Variants in BACH2 observed in about 807,000 individuals in gnomAD.
The protein encoded by BACH2 is transcription regulator protein BACH2.
Under a neutral mutation model 61.8 loss-of-function variants are expected in BACH2, and 5 were observed. That is an observed-to-expected ratio of 0.08 (90% CI 0.04 to 0.17). The LOEUF is 0.17. Among genes scored for constraint, BACH2 ranks in the 10% least tolerant of loss-of-function variants. BACH2 has a pLI of 1.00. For missense variants in BACH2, 824 were observed against 1,091.1 expected, an observed-to-expected ratio of 0.76 and a Z score of 3.45; for synonymous variants, 446 against 440.1, an observed-to-expected ratio of 1.01 and a Z score of -0.17.
chr6:90,110,962 T>A (rs933521772), intron 4 of BACH2, among the ~76,000 whole-genome samples: 2 of 152,238 alleles, frequency 1.3e-5, no homozygotes, highest in Admixed American at 1.3e-4. Flanking sequence ...TACTGCTTCA[T>A]ACAGGATATT....
chr6:90,282,475 G>T (rs919969935), intron 1 of BACH2, among the ~76,000 whole-genome samples: 1 of 152,062 alleles, frequency 6.6e-6, no homozygotes, highest in African/African-American at 2.4e-5. Context: ...TCCCTGCAAA[G>T]GACATGATCT....
rs1279576387 is a variant in BACH2, at chr6:89,931,943, A to ATATATATATATATTTTATATATATAT, written c.*464_*465insATATATATATAAAATATATATATATA. On this transcript the variant is annotated 3_prime_UTR_variant, in exon 9 of 9. Transcript: ENST00000257749. ...AGGACTTTTGCATATGGATATATAT[A>ATATATATATATATTTTATATATATAT]TATATATATATATATTTTATATATA... The ATATATATATATATTTTATATATATAT allele has an allele frequency of 6.8e-6, 1 of 147,464 alleles. No individual in the cohort carries two copies. The highest frequency in any genetic ancestry group is 1.5e-5 in the Non-Finnish European group (1 of 67,072). The allele number at this position is 147,464 out of a possible 1,614,324, so 9.1% of individuals were successfully genotyped here. A position where few individuals can be genotyped will look rare whatever the true frequency, so the allele number is the denominator to read the frequency against.
chr6:90,203,380 C>G (rs1439910416), intron 4 of BACH2, among the ~76,000 whole-genome samples: 1 of 118,322 alleles, frequency 8.5e-6, no homozygotes, highest in Non-Finnish European at 1.7e-5. Context: ...AAGACCCTCT[C>G]TCTCTCTCTC....
chr6:90,121,550 AATTT>A, intron 4 of BACH2, among the ~76,000 whole-genome samples: 1 of 152,088 alleles, frequency 6.6e-6, no homozygotes, highest in East Asian at 1.9e-4. Context: ...TTAATTAATT[AATTT>A]ATTTTGAGAC....
rs1157388207 is a variant in BACH2 at position 89,951,011 on chromosome 6, G to C, written c.1095C>G (p.Ala365=). Residue 365 remains alanine, a synonymous_variant, in exon 7 of 9, where the codon GCC becomes GCG. Coordinates refer to ENST00000257749, the MANE Select transcript of BACH2 (RefSeq NM_021813.4). The surrounding 1 kb of genome is among the most constrained non-coding windows in gnomAD (Gnocchi z 6.4). The part of the protein sequence containing the change: ...GLPSTSQQHF[A]RSPACPFDKG... The stretch of plus-strand genomic sequence containing the variant: ...TGTCAAAAGGGCAGGCTGGACTCCT[G>C]GCAAAGTGCTGCTGAGATGTACTGG... The C allele has an allele frequency of 6.3e-7, 1 of 1,592,232 alleles. No homozygotes were observed. The highest frequency in any genetic ancestry group is 8.5e-7 in the Non-Finnish European group (1 of 1,169,818).
At chr6:89,947,312 G>C (rs938730763) in intron 7 of BACH2, among the ~76,000 whole-genome samples, 2 of 152,068 alleles carry the variant, frequency 1.3e-5, no homozygotes, top group Non-Finnish European at 2.9e-5. Context: ...CTTCAACCAG[G>C]GTCAAAGTAA....
chr6:90,254,258 C>G (rs1351268372), intron 2 of BACH2, among the ~76,000 whole-genome samples: 1 of 151,404 alleles, frequency 6.6e-6, no homozygotes, highest in East Asian at 1.9e-4. Flanking sequence ...TACAGACAGA[C>G]TCAATTAAGT....
At chr6:90,276,210 TTTTAA>T (rs911701508) in intron 1 of BACH2, among the ~76,000 whole-genome samples, 1 of 152,208 alleles carries the variant, frequency 6.6e-6, no homozygotes, top group African/African-American at 2.4e-5. Context: ...TCTGAAATAA[TTTTAA>T]TTTATGACTA....
intron 6 of BACH2, among the ~76,000 whole-genome samples, chr6:89,999,448 CTTTTT>C (rs59177752): frequency 7.1e-6 from 1 of 141,770 alleles, no homozygotes; most frequent in Non-Finnish European, 1.5e-5. Context: ...TTTGTCACAC[CTTTTT>C]TTTTTTTTTT....
intron 1 of BACH2, among the ~76,000 whole-genome samples, chr6:90,290,208 G>A (rs1772137262): frequency 6.6e-6 from 1 of 152,204 alleles, no homozygotes; most frequent in Non-Finnish European, 1.5e-5. Context: ...CCTGATGGAA[G>A]GTCACTCCAC....
At chr6:90,164,314 A>C (rs1274121063) in intron 4 of BACH2, among the ~76,000 whole-genome samples, 1 of 152,256 alleles carries the variant, frequency 6.6e-6, no homozygotes, top group Non-Finnish European at 1.5e-5. Context: ...AAAATCTAGA[A>C]GAAATGGATA....
intron 5 of BACH2, among the ~76,000 whole-genome samples, chr6:90,081,739 C>G (rs1225916293): frequency 6.6e-6 from 1 of 152,110 alleles, no homozygotes; most frequent in Non-Finnish European, 1.5e-5. Flanking sequence ...TAGCAGCTAG[C>G]TGCTTACTAA....
At chr6:90,089,487 C>T (rs1292566106) in intron 4 of BACH2, among the ~76,000 whole-genome samples, 1 of 152,072 alleles carries the variant, frequency 6.6e-6, no homozygotes, top group Non-Finnish European at 1.5e-5. Flanking sequence ...TTAAAAGACA[C>T]ATGTGGCCAT....
intron 3 of BACH2, among the ~76,000 whole-genome samples, chr6:90,224,322 C>A (rs1769838670): frequency 6.6e-6 from 1 of 152,140 alleles, no homozygotes. Context: ...ACTTATTGTA[C>A]AACTAGCCAT....
chr6:90,222,825 C>T (rs926549362), intron 3 of BACH2, among the ~76,000 whole-genome samples: 3 of 152,054 alleles, frequency 2.0e-5, no homozygotes, highest in African/African-American at 7.2e-5. Context: ...CTGCTCTGTC[C>T]TTAGTCAACT....
intron 3 of BACH2, among the ~76,000 whole-genome samples, chr6:90,247,397 A>C (rs972618723): frequency 6.8e-6 from 1 of 148,018 alleles, no homozygotes; most frequent in Non-Finnish European, 1.5e-5. Context: ...CACCATGTAC[A>C]GTTATTTTTT....
chr6:90,061,609 G>C (rs1780688470), intron 5 of BACH2, among the ~76,000 whole-genome samples: 1 of 152,116 alleles, frequency 6.6e-6, no homozygotes, highest in Non-Finnish European at 1.5e-5. Flanking sequence ...GATAACAAGT[G>C]AGAGTGCAGA....
intron 4 of BACH2, among the ~76,000 whole-genome samples, chr6:90,195,622 A>G (rs909393169): frequency 6.6e-6 from 1 of 152,158 alleles, no homozygotes; most frequent in Non-Finnish European, 1.5e-5. Context: ...GCGCCAGTCC[A>G]TTTCGAGTAT....
intron 8 of BACH2, among the ~76,000 whole-genome samples, chr6:89,937,718 A>G (rs1773112757): frequency 6.6e-6 from 1 of 152,164 alleles, no homozygotes; most frequent in Non-Finnish European, 1.5e-5. Context: ...TTTAGTAGAG[A>G]CAGGGTTTCT....
Sources: allele counts gnomAD v4.1 joint callset (sites outside exome capture counted in the v4.1 genomes callset), GRCh38; gene constraint gnomAD v4.1.1; non-coding constraint Gnocchi (gnomAD v3.1); transcripts MANE v1.5; gene names NCBI Gene and HGNC (gene_info 2026-07-23, HGNC 2026-07-21).